MIER2: variants seen among roughly 807,000 people sequenced by gnomAD.
MIER2 encodes the protein MIER family member 2, also known as mesoderm induction early response protein 2.
MIER2 carries 30 observed loss-of-function variants against 67.6 expected under a neutral mutation model. The observed-to-expected ratio is 0.44, with a 90% CI of 0.33 to 0.60. MIER2 has a LOEUF of 0.60. Among genes scored for constraint, MIER2 ranks in the 20% least tolerant of loss-of-function variants. The pLI is 0.02. For synonymous variants in MIER2, 372 were observed against 312.6 expected, an observed-to-expected ratio of 1.19 and a Z score of -2.00; for missense variants, 702 against 745.1, an observed-to-expected ratio of 0.94 and a Z score of 0.67.
chr19:317,708 CAAT>C (rs1971315299), intron 7 of MIER2, among the ~76,000 whole-genome samples: 1 of 118,780 alleles, frequency 8.4e-6, no homozygotes, highest in Admixed American at 9.8e-5. Flanking sequence ...CCAGCCTGGG[CAAT>C]GAGAGTGAGA....
chr19:343,611 C>G (rs1220725601), intron 1 of MIER2, among the ~76,000 whole-genome samples: 1 of 152,218 alleles, frequency 6.6e-6, no homozygotes, highest in Non-Finnish European at 1.5e-5. Context: ...CAACGTGGCA[C>G]CACGGCCAGG....
intron 1 of MIER2, among the ~76,000 whole-genome samples, chr19:337,319 A>C (rs907655768): frequency 1.3e-5 from 2 of 152,222 alleles, no homozygotes; most frequent in African/African-American, 4.8e-5. Context: ...AAATAAAAAA[A>C]CAAAACACAG....
At chr19:325,180 C>T (rs1368053934) in intron 7 of MIER2, among the ~76,000 whole-genome samples, 1 of 152,250 alleles carries the variant, frequency 6.6e-6, no homozygotes, top group Admixed American at 6.5e-5. Context: ...CGATTTTGAA[C>T]TCTAGTGGGA....
intron 7 of MIER2, among the ~76,000 whole-genome samples, chr19:322,645 G>A (rs10415364): frequency 0.039 from 5,968 of 151,850 alleles, 413 homozygotes; most frequent in African/African-American, 0.14. Flanking sequence ...TCCACCAGAC[G>A]GGCTAAAATT....
At chr19:307,008 C>G in intron 13 of MIER2, 111 bp downstream of exon 13, 1 of 1,291,086 alleles carries the variant, frequency 7.7e-7, no homozygotes, top group Non-Finnish European at 1.0e-6. Flanking sequence ...TGGAGCCACA[C>G]TGTCCTCGGG....
chr19:322,731 C>T (rs950781027), intron 7 of MIER2, among the ~76,000 whole-genome samples: 5 of 152,002 alleles, frequency 3.3e-5, no homozygotes, highest in Non-Finnish European at 7.4e-5. Context: ...GAAACTCAAG[C>T]AGTATGCGTC....
At chr19:342,177 C>T (rs780039297) in intron 1 of MIER2, among the ~76,000 whole-genome samples, 2 of 152,174 alleles carry the variant, frequency 1.3e-5, no homozygotes, top group African/African-American at 4.8e-5. Flanking sequence ...CCCACTCCTC[C>T]GTCTGACCAA....
Position 306,502 on chromosome 19 carries a change from T to C in MIER2, c.*188A>G, listed in dbSNP as rs996523806. The C allele has an allele frequency of 1.3e-6, 1 of 784,292 alleles. No individual in the cohort carries two copies. The highest frequency in any genetic ancestry group is 1.8e-5 in the South Asian group (1 of 56,678). 48.6% of individuals were successfully genotyped at this position (784,292 alleles called of 1,614,324 possible). ...GGCGCTGGGTGGGGCCGTGGGTCCA[T>C]TCTGTGTGGACAGGGGCAAGGGCTC... On this transcript the variant is annotated 3_prime_UTR_variant, in exon 14 of 14. Coordinates refer to ENST00000264819, the MANE Select transcript of MIER2 (RefSeq NM_017550.3).
rs1373732603 is a variant in MIER2, at chr19:308,099, G to A, written c.1198+478C>T. On this transcript the variant is annotated intron_variant, in intron 12 of 13. Transcript: ENST00000264819. This position sits in a 1 kb window ranked among gnomAD's most constrained non-coding sequence, Gnocchi z 9.1. ...CCTCGTTTGCACCCTCCCCGTGTGG[G>A]TCTCCACCTTCGGACGCCACATCAG... Among the ~76,000 whole-genome samples the A allele has an allele frequency of 2.0e-5, 3 of 151,988 alleles. No individual in the cohort carries two copies. The highest frequency in any genetic ancestry group is 7.3e-5 in the African/African-American group (3 of 41,372).
intron 10 of MIER2, 142 bp from the exon 11 acceptor site, chr19:309,067 C>CG (rs1970802475): frequency 8.3e-7 from 1 of 1,206,094 alleles, no homozygotes; most frequent in Non-Finnish European, 1.1e-6. Context: ...CAAGACCCCC[C>CG]GACCCATGAC....
intron 1 of MIER2, among the ~76,000 whole-genome samples, chr19:339,905 C>T (rs117209502): frequency 0.018 from 2,691 of 152,180 alleles, 48 homozygotes; most frequent in Admixed American, 0.05. Context: ...ATGGTGGCTG[C>T]ACAACTGGGT....
chr19:343,061 C>G (rs1397855144), intron 1 of MIER2, among the ~76,000 whole-genome samples: 1 of 152,176 alleles, frequency 6.6e-6, no homozygotes, highest in Non-Finnish European at 1.5e-5. Context: ...ACTCCCAGAT[C>G]CTCAGGCCGA....
intron 1 of MIER2, 38 bp downstream of exon 1, chr19:344,736 G>C: frequency 1.7e-6 from 2 of 1,152,050 alleles, no homozygotes; most frequent in Non-Finnish European, 2.1e-6. Context: ...GCGGACGCGC[G>C]GGGGCGGGGG....
At chr19:321,671 T>C (rs1344706565) in intron 7 of MIER2, among the ~76,000 whole-genome samples, 1 of 151,932 alleles carries the variant, frequency 6.6e-6, no homozygotes, top group Admixed American at 6.6e-5. Context: ...ACTTGTCAGT[T>C]GCTGAAAAAA....
chr19:327,464 C>T (rs1971814036), intron 4 of MIER2, among the ~76,000 whole-genome samples: 1 of 152,224 alleles, frequency 6.6e-6, no homozygotes, highest in African/African-American at 2.4e-5. Flanking sequence ...GAGCTGGAGA[C>T]AGTTAGAGCT....
At chr19:311,193 C>T (rs1267992160) in intron 10 of MIER2, among the ~76,000 whole-genome samples, 2 of 152,242 alleles carry the variant, frequency 1.3e-5, no homozygotes, top group African/African-American at 2.4e-5. Context: ...CAGTGCCCAA[C>T]CGGGGCGTGG....
In MIER2 at chr19:307,256, C is replaced by T. The variant is rs373349024; in HGVS notation, c.1479G>A (p.Pro493=). ...CCTGTGCTGGGGCCACAGTCTCCTC[C>T]GGATCCCCGCTGAGGTCCACATGGC... ...ISSHVDLSGD[P]EETVAPAQVA... Residue 493 remains proline (P), a synonymous_variant, in exon 13 of 14, where the codon CCG becomes CCA. Coordinates refer to ENST00000264819, the MANE Select transcript of MIER2 (RefSeq NM_017550.3). 5.6e-6 allele frequency: 9 copies of T among 1,595,368 alleles called. No individual in the cohort carries two copies. Among genetic ancestry groups the T allele is most frequent in the African/African-American group, 4.0e-5 (3 of 74,668 alleles).
intron 3 of MIER2, among the ~76,000 whole-genome samples, chr19:331,766 A>G (rs1016223464): frequency 1.3e-5 from 2 of 152,082 alleles, no homozygotes; most frequent in Non-Finnish European, 2.9e-5. Context: ...GCAGATCACA[A>G]GGTCAAGAGT....
At chr19:306,736 C>A (rs749542521) in intron 13 of MIER2, 25 bp from the exon 14 acceptor site, 1 of 1,557,374 alleles carries the variant, frequency 6.4e-7, no homozygotes, top group South Asian at 1.2e-5. Context: ...CCAAGAGAGA[C>A]GCAGAGAGTG....
Sources: allele counts gnomAD v4.1 joint callset (sites outside exome capture counted in the v4.1 genomes callset), GRCh38; gene constraint gnomAD v4.1.1; non-coding constraint Gnocchi (gnomAD v3.1); transcripts MANE v1.5; gene names NCBI Gene and HGNC (gene_info 2026-07-23, HGNC 2026-07-21).